SYNE2: variants seen among roughly 807,000 people sequenced by gnomAD.
SYNE2 encodes the protein nesprin-2.
In SYNE2, 431 loss-of-function variants were observed where a neutral mutation model predicts 856.3. The observed-to-expected ratio is 0.50, with a 90% CI of 0.47 to 0.55. The LOEUF is 0.55. Ranked by LOEUF, SYNE2 falls within the 20% of genes least tolerant of loss-of-function variation. SYNE2 has a pLI of 0.00. For synonymous variants in SYNE2, 2,923 were observed against 2,872.3 expected, an observed-to-expected ratio of 1.02 and a Z score of -0.56; for missense variants, 8,129 against 8,023.2, an observed-to-expected ratio of 1.01 and a Z score of -0.50.
rs1286369075 is a variant in SYNE2 at position 64,220,441 on chromosome 14, T to C, written c.19865T>C (p.Ile6622Thr). Reference sequence around the variant, plus strand: ...CATCTTTTCTCTCTCTGGTAGGAGATACTGAAAGCCTTTGACACTTACAAG... The same window carrying C: ...CATCTTTTCTCTCTCTGGTAGGAGACACTGAAAGCCTTTGACACTTACAAG... ...IELRVKRLQE[I>T]LKAFDTYKAL... The change falls in exon 111 of 116, where the codon ATA becomes ACA. Residue 6622 changes from isoleucine to threonine, a missense_variant. Ile to Thr is a moderately conservative substitution (Grantham distance 89). Transcript: ENST00000555002. 5 of 1,614,228 alleles carry C rather than the reference T, an allele frequency of 3.1e-6. No homozygotes were observed. Among genetic ancestry groups the C allele is most frequent in the Non-Finnish European group, 3.4e-6 (4 of 1,180,034 alleles).
At chr14:64,138,942 GTAT>G (rs1242241940) in intron 79 of SYNE2, among the ~76,000 whole-genome samples, 6 of 134,048 alleles carry the variant, frequency 4.5e-5, no homozygotes, top group African/African-American at 1.9e-4. Context: ...GTGTGTGTAT[GTAT>G]GGTGTGTGTG....
intron 65 of SYNE2, among the ~76,000 whole-genome samples, chr14:64,111,350 CA>C (rs576012345): frequency 6.6e-6 from 1 of 151,460 alleles, no homozygotes; most frequent in Non-Finnish European, 1.5e-5. Flanking sequence ...TCTCAAGTGG[CA>C]AAAAAAGGAA....
At chr14:64,135,122 G>A (rs1179257377) in intron 78 of SYNE2, among the ~76,000 whole-genome samples, 1 of 152,170 alleles carries the variant, frequency 6.6e-6, no homozygotes, top group African/African-American at 2.4e-5. Context: ...AAGTGACATT[G>A]AGAACATGAC....
chr14:63,836,320 A>T (rs1889859311), intron 1 of SYNE2, among the ~76,000 whole-genome samples: 1 of 152,086 alleles, frequency 6.6e-6, no homozygotes, highest in African/African-American at 2.4e-5. Context: ...CACCACACCC[A>T]GGCTTGTTTT....
At chr14:63,820,169 C>T (rs1005891637) in intron 1 of SYNE2, among the ~76,000 whole-genome samples, 1 of 151,996 alleles carries the variant, frequency 6.6e-6, no homozygotes, top group Non-Finnish European at 1.5e-5. Flanking sequence ...CTGATACTAT[C>T]TGACTTAAGA....
At chr14:63,862,650 A>G (rs2140201957) in intron 1 of SYNE2, among the ~76,000 whole-genome samples, 1 of 152,364 alleles carries the variant, frequency 6.6e-6, no homozygotes, top group East Asian at 1.9e-4. Flanking sequence ...GAATAGTAAG[A>G]AAGACTATAC....
At chr14:64,012,315 C>G (rs553524416) in intron 32 of SYNE2, among the ~76,000 whole-genome samples, 2 of 152,302 alleles carry the variant, frequency 1.3e-5, no homozygotes, top group East Asian at 3.9e-4. Flanking sequence ...CACCTTCTAC[C>G]TGAGAGTATT....
chr14:64,195,239 C>T (rs1482870650), intron 99 of SYNE2, among the ~76,000 whole-genome samples: 1 of 152,122 alleles, frequency 6.6e-6, no homozygotes, highest in Non-Finnish European at 1.5e-5. Context: ...ATTGGTTTTT[C>T]TCTTGGTTGG....
chr14:63,848,078 G>C (rs149671669), upstream of SYNE2, among the ~76,000 whole-genome samples: 2,400 of 152,024 alleles, frequency 0.016, 72 homozygotes, highest in African/African-American at 0.055. Flanking sequence ...GTAGAGACTG[G>C]GTTTCACCAT....
chr14:63,854,747 A>G (rs1371603013), intron 1 of SYNE2, among the ~76,000 whole-genome samples: 3 of 152,210 alleles, frequency 2.0e-5, no homozygotes, highest in Non-Finnish European at 4.4e-5. Context: ...CTAATTAGAA[A>G]TTTTTTAGCA....
chr14:64,103,371 T>G (rs1279262091), intron 64 of SYNE2, among the ~76,000 whole-genome samples: 1 of 143,564 alleles, frequency 7.0e-6, no homozygotes, highest in East Asian at 2.0e-4. Context: ...TTTTTTTTTG[T>G]GGAACAAAGT....
intron 1 of SYNE2, among the ~76,000 whole-genome samples, chr14:63,791,542 T>A (rs908967122): frequency 2.0e-5 from 3 of 152,194 alleles, no homozygotes; most frequent in Admixed American, 1.3e-4. Context: ...AAGTATATCA[T>A]AGCAAATTTG....
At chr14:63,822,091 C>T (rs8021872) in intron 1 of SYNE2, among the ~76,000 whole-genome samples, 4,836 of 150,598 alleles carry the variant, frequency 0.032, 272 homozygotes, top group African/African-American at 0.11. Context: ...TTTAGGAGGC[C>T]GAGGCAGGAG....
rs771490549 is a variant in SYNE2, at chr14:63,997,010, C to T, written c.3004C>T (p.Leu1002=). Residue 1002 remains leucine, a synonymous_variant, in exon 24 of 116, where the codon CTG becomes TTG. Transcript: ENST00000555002. Reference sequence around the variant, plus strand: ...TCACCACATGGAAGTCCTGAGGGAGCTGTGTGAAGAGCTGCCTTCACAGAA... The same window carrying T: ...TCACCACATGGAAGTCCTGAGGGAGTTGTGTGAAGAGCTGCCTTCACAGAA... ...LNHHMEVLRE[L]CEELPSQKSQ... is the part of the protein sequence containing the mutation. 1.2e-5 allele frequency: 20 copies of T among 1,614,012 alleles called. No individual in the cohort carries two copies. Among genetic ancestry groups the T allele is most frequent in the Admixed American group, 1.7e-5 (1 of 59,988 alleles).
At chr14:64,142,517 C>T (rs2098146932) in intron 82 of SYNE2, among the ~76,000 whole-genome samples, 1 of 152,152 alleles carries the variant, frequency 6.6e-6, no homozygotes, top group African/African-American at 2.4e-5. Context: ...ATAGTCAGCT[C>T]GAGTTGTCCT....
intron 64 of SYNE2, among the ~76,000 whole-genome samples, chr14:64,102,393 C>G (rs2097738067): frequency 6.6e-6 from 1 of 152,046 alleles, no homozygotes; most frequent in South Asian, 2.1e-4. Flanking sequence ...CAAGCACTGC[C>G]TAAACCTTTA....
chr14:64,024,847 T>C, intron 39 of SYNE2, 65 bp from the exon 40 acceptor site: 1 of 1,571,018 alleles, frequency 6.4e-7, no homozygotes, highest in African/African-American at 1.3e-5. Flanking sequence ...GTTTGTGCCA[T>C]CCTTTTCTTT....
intron 76 of SYNE2, among the ~76,000 whole-genome samples, chr14:64,130,844 C>T (rs2098010591): frequency 1.3e-5 from 2 of 151,014 alleles, no homozygotes; most frequent in Admixed American, 1.3e-4. Context: ...GAGATCACGC[C>T]CCTGCACTCC....
intron 94 of SYNE2, chr14:64,173,947 C>T (rs7148122): frequency 4.0e-5 from 28 of 696,638 alleles, no homozygotes; most frequent in Non-Finnish European, 7.0e-5. Flanking sequence ...AAAACAGGAC[C>T]TTCGCTACTC....
Sources: gnomAD v4.1 joint callset for allele counts (sites outside exome capture counted in the v4.1 genomes callset) on GRCh38, gnomAD v4.1.1 for gene constraint, MANE v1.5 for transcripts, NCBI Gene and HGNC (gene_info 2026-07-23, HGNC 2026-07-21) for gene names.